The following GABRB1 variants were observed in gnomAD, a reference collection of about 807,000 sequenced individuals.
The protein encoded by GABRB1 is gamma-aminobutyric acid receptor subunit beta-1.
In GABRB1, 17 loss-of-function variants were observed where a neutral mutation model predicts 51.6. The ratio of observed to expected loss-of-function variants is 0.33; its 90% CI spans 0.23 to 0.49. The LOEUF (loss-of-function observed/expected upper bound fraction) is 0.49, where lower values mean the gene tolerates loss of function less well. GABRB1 is among the 20% of genes least tolerant of loss of function. The pLI is 0.99. For missense variants in GABRB1, 410 were observed against 600.6 expected (o/e 0.68, Z 3.32); for synonymous variants, 247 against 218.9 (o/e 1.13, Z -1.14).
At chr4:47,293,356 C>T (rs1723836039) in intron 4 of GABRB1, among the ~76,000 whole-genome samples, 2 of 152,086 alleles carry the variant, frequency 1.3e-5, no homozygotes, top group South Asian at 4.2e-4. Context: ...TCAGGCTGGT[C>T]TCAAACTCCT....
intron 5 of GABRB1, among the ~76,000 whole-genome samples, chr4:47,390,944 G>A (rs757559511): frequency 3.3e-5 from 5 of 152,090 alleles, no homozygotes; most frequent in African/African-American, 4.8e-5. Flanking sequence ...TTGGGAGGCC[G>A]AGGGGGACGG....
At chr4:47,233,373 A>G (rs1281891654) in intron 4 of GABRB1, among the ~76,000 whole-genome samples, 1 of 152,166 alleles carries the variant, frequency 6.6e-6, no homozygotes, top group Non-Finnish European at 1.5e-5. Flanking sequence ...TGCATTTAAC[A>G]TATAAAGAGG....
At chr4:47,368,395 G>A (rs1268173915) in intron 5 of GABRB1, among the ~76,000 whole-genome samples, 1 of 152,058 alleles carries the variant, frequency 6.6e-6, no homozygotes, top group Admixed American at 6.5e-5. Flanking sequence ...GGTGACATTT[G>A]GCAATGTCTG....
In GABRB1 at chr4:47,403,725, A is replaced by C; in HGVS notation, c.835+14A>C. ...GAGTCGCACTAGGTAATACATTCTC[A>C]GCACTGCAGAGAGCTAACAGATTTT... is the stretch of plus-strand genomic sequence containing the variant. On this transcript the variant is annotated intron_variant, in intron 7 of 8. Transcript: ENST00000295454. 6.2e-7 allele frequency: 1 copy of C among 1,608,092 alleles called. No homozygotes were observed. The highest frequency in any genetic ancestry group is 8.5e-7 in the Non-Finnish European group (1 of 1,178,456).
At chr4:47,201,960 A>C (rs981589732) in intron 4 of GABRB1, among the ~76,000 whole-genome samples, 1 of 152,122 alleles carries the variant, frequency 6.6e-6, no homozygotes, top group African/African-American at 2.4e-5. Context: ...CCCCAACCCC[A>C]GCCAAGTATA....
At chr4:47,244,890 C>T (rs991826010) in intron 4 of GABRB1, among the ~76,000 whole-genome samples, 1 of 152,126 alleles carries the variant, frequency 6.6e-6, no homozygotes, top group Non-Finnish European at 1.5e-5. Context: ...CAAGAGAAAG[C>T]ACGAAAGATC....
chr4:47,409,579 ATATGGGTACAG>A (rs1440262461), intron 8 of GABRB1, among the ~76,000 whole-genome samples: 1 of 152,190 alleles, frequency 6.6e-6, no homozygotes, highest in East Asian at 1.9e-4. Flanking sequence ...TTCGGGGTTT[ATATGGGTACAG>A]TATGGGGGGC....
rs1023628914 is a variant in GABRB1, at chr4:47,076,855, G to A, written c.240+44371G>A. Among the ~76,000 whole-genome samples, 3 of 152,038 alleles carry A rather than the reference G, an allele frequency of 2.0e-5. No individual in the cohort carries two copies. The South Asian group carries it at 6.2e-4, about 32-fold the overall frequency. On this transcript the variant is annotated intron_variant, in intron 3 of 8. Transcript: ENST00000295454. ...CACTCCCATAATAAATCACTTCCAC[G>A]AGGGGCCCCATTTTAGGCTTTGCTT... is the stretch of plus-strand genomic sequence containing the variant.
intron 3 of GABRB1, among the ~76,000 whole-genome samples, chr4:47,147,278 T>C (rs1466706354): frequency 1.0e-5 from 1 of 96,468 alleles, no homozygotes; most frequent in African/African-American, 4.3e-5. Flanking sequence ...TTAAGTCCAT[T>C]CTATTTCCTT....
At chr4:47,359,205 G>T (rs951995544) in intron 5 of GABRB1, among the ~76,000 whole-genome samples, 5 of 152,072 alleles carry the variant, frequency 3.3e-5, no homozygotes, top group Admixed American at 1.3e-4. Context: ...CACAGCTCTT[G>T]CAAAGATTTC....
At chr4:47,203,420 A>G (rs1719972384) in intron 4 of GABRB1, among the ~76,000 whole-genome samples, 2 of 151,940 alleles carry the variant, frequency 1.3e-5, no homozygotes, top group African/African-American at 4.8e-5. Context: ...TATTTCCCTT[A>G]TGTCAGGCAG....
chr4:47,193,480 G>A (rs1719527207), intron 4 of GABRB1, among the ~76,000 whole-genome samples: 2 of 152,182 alleles, frequency 1.3e-5, no homozygotes, highest in South Asian at 4.1e-4. Flanking sequence ...CAGTCTTCAT[G>A]CAGTCTGTAA....
chr4:47,142,216 C>T (rs1408070566), intron 3 of GABRB1, among the ~76,000 whole-genome samples: 1 of 151,656 alleles, frequency 6.6e-6, no homozygotes, highest in African/African-American at 2.4e-5. Context: ...TGATTTAGGA[C>T]TAAATGAGAG....
intron 5 of GABRB1, among the ~76,000 whole-genome samples, chr4:47,393,901 G>C (rs1728092282): frequency 1.3e-5 from 2 of 152,190 alleles, no homozygotes; most frequent in African/African-American, 4.8e-5. Context: ...ACTACAAGTA[G>C]GTGTATTGCA....
intron 1 of GABRB1, among the ~76,000 whole-genome samples, chr4:47,009,124 A>T (rs1471647657): frequency 6.7e-6 from 1 of 150,130 alleles, no homozygotes; most frequent in East Asian, 2.0e-4. Context: ...TCGGCCTCCC[A>T]AAGTGCTGGG....
intron 4 of GABRB1, among the ~76,000 whole-genome samples, chr4:47,177,675 G>T (rs1431411517): frequency 6.6e-6 from 1 of 152,066 alleles, no homozygotes; most frequent in Non-Finnish European, 1.5e-5. Context: ...ATGAGAACCA[G>T]TTCCATTATT....
chr4:47,078,437 C>T (rs1727669768), intron 3 of GABRB1, among the ~76,000 whole-genome samples: 1 of 152,152 alleles, frequency 6.6e-6, no homozygotes, highest in African/African-American at 2.4e-5. Context: ...CACACCATAA[C>T]TTTTCACCAT....
At chr4:47,330,301 T>C (rs991244771) in intron 5 of GABRB1, among the ~76,000 whole-genome samples, 4 of 152,152 alleles carry the variant, frequency 2.6e-5, no homozygotes, top group Non-Finnish European at 4.4e-5. Flanking sequence ...AGAATAATAT[T>C]TGACTACTGG....
chr4:46,999,100 G>A (rs944121638), intron 1 of GABRB1, among the ~76,000 whole-genome samples: 12 of 152,110 alleles, frequency 7.9e-5, no homozygotes, highest in African/African-American at 2.9e-4. Flanking sequence ...GCACCTAATA[G>A]TAATGGTTTG....
Sources: allele counts gnomAD v4.1 joint callset (sites outside exome capture counted in the v4.1 genomes callset), GRCh38; gene constraint gnomAD v4.1.1; transcripts MANE v1.5; gene names NCBI Gene and HGNC (gene_info 2026-07-23, HGNC 2026-07-21).